Variants in BAZ2B observed in about 807,000 individuals in gnomAD.
BAZ2B encodes bromodomain adjacent to zinc finger domain 2B, also known as bromodomain adjacent to zinc finger domain protein 2B.
A neutral mutation model predicts 246.0 loss-of-function variants in BAZ2B; 91 were observed. The observed-to-expected ratio is 0.37, with a 90% CI of 0.31 to 0.44. The LOEUF is 0.44. Ranked by LOEUF, BAZ2B falls within the 20% of genes least tolerant of loss-of-function variation. The pLI is 1.00. For missense variants in BAZ2B, 2,332 were observed against 2,533.7 expected (o/e 0.92, Z 1.71); for synonymous variants, 855 against 860.0 (o/e 0.99, Z 0.10).
intron 2 of BAZ2B, among the ~76,000 whole-genome samples, chr2:159,546,239 G>A (rs905920548): frequency 1.3e-5 from 2 of 151,932 alleles, no homozygotes; most frequent in South Asian, 2.1e-4. Context: ...ACTGAATTAC[G>A]GGGGCGGGTC....
intron 1 of BAZ2B, among the ~76,000 whole-genome samples, chr2:159,611,469 T>A (rs1694708270): frequency 6.6e-6 from 1 of 151,944 alleles, no homozygotes; most frequent in African/African-American, 2.4e-5. Flanking sequence ...AATGTCTGAA[T>A]ATAAATCTTA....
the BAZ2B span, among the ~76,000 whole-genome samples, chr2:159,704,934 C>G: frequency 6.6e-6 from 1 of 152,016 alleles, no homozygotes; most frequent in Non-Finnish European, 1.5e-5. Context: ...GATCTCCTGA[C>G]CTCGTGATCC....
intron 2 of BAZ2B, among the ~76,000 whole-genome samples, chr2:159,499,787 T>C (rs1268808889): frequency 1.3e-5 from 2 of 152,368 alleles, no homozygotes; most frequent in Admixed American, 6.5e-5. Flanking sequence ...GTTGAGCTTT[T>C]TTTCATATGT....
intron 1 of BAZ2B, among the ~76,000 whole-genome samples, chr2:159,600,847 C>A (rs763153110): frequency 1.3e-5 from 2 of 152,138 alleles, no homozygotes; most frequent in Non-Finnish European, 2.9e-5. Context: ...CTTTTTTGGC[C>A]TCATCGTTTT....
At chr2:159,520,914 G>A (rs779561702) in intron 2 of BAZ2B, among the ~76,000 whole-genome samples, 12 of 152,054 alleles carry the variant, frequency 7.9e-5, no homozygotes, top group Non-Finnish European at 1.6e-4. Flanking sequence ...AATTTATGAA[G>A]CTTATTACTT....
At chr2:159,623,834 A>G in the BAZ2B span, among the ~76,000 whole-genome samples, 1 of 152,248 alleles carries the variant, frequency 6.6e-6, no homozygotes, top group Non-Finnish European at 1.5e-5. Flanking sequence ...AATAATCCAA[A>G]TATCTGTCAT....
chr2:159,561,727 A>C (rs7580623), intron 1 of BAZ2B, among the ~76,000 whole-genome samples: 18,225 of 152,224 alleles, frequency 0.12, 1,267 homozygotes, highest in Middle Eastern at 0.22. Flanking sequence ...ATATTTGAAA[A>C]ATTATTTTCT....
At position 159,359,069 on chromosome 2, in the gene BAZ2B, A is replaced by C. The variant is rs577739223; in HGVS notation, c.4214-8712T>G. On this transcript the variant is annotated intron_variant, in intron 27 of 36. Coordinates refer to ENST00000392783, the MANE Select transcript of BAZ2B (RefSeq NM_013450.4). ...AGAACTGAGAGGCAAGAGCAAACACATTCAAAAGCTAGCAGAAGACAAGAA... is the reference window on the plus strand; with the variant it reads ...AGAACTGAGAGGCAAGAGCAAACACCTTCAAAAGCTAGCAGAAGACAAGAA... Among the ~76,000 whole-genome samples, 5 of 152,298 alleles carry C rather than the reference A, an allele frequency of 3.3e-5. No individual in the cohort carries two copies. The South Asian group carries it at 1.0e-3, about 32-fold the overall frequency.
chr2:159,439,098 C>T lies in BAZ2B; in HGVS notation c.811G>A (p.Asp271Asn), dbSNP rs769317327. 3.1e-6 allele frequency: 5 copies of T among 1,613,794 alleles called. No individual in the cohort carries two copies. Among genetic ancestry groups the T allele is most frequent in the Non-Finnish European group, 4.2e-6 (5 of 1,179,954 alleles). ...SSSDSDDLEE[D>N]EEEEDQSIEE... ...ATACTTTGATCTTCTTCTTCTTCAT[C>T]TTCTTCTAGATCATCTGAATCACTG... Residue 271 changes from aspartate (D) to asparagine (N), a missense_variant, in exon 7 of 37, where the codon GAT (aspartate) becomes AAT (asparagine). Asp to Asn is a conservative substitution (Grantham distance 23). Transcript: ENST00000392783.
chr2:159,452,245 A>C (rs2075191663), intron 4 of BAZ2B, among the ~76,000 whole-genome samples: 1 of 152,212 alleles, frequency 6.6e-6, no homozygotes, highest in African/African-American at 2.4e-5. Context: ...AGTTTTAAAA[A>C]CACTTCTTTC....
chr2:159,634,329 T>C, the BAZ2B span, among the ~76,000 whole-genome samples: 5 of 152,164 alleles, frequency 3.3e-5, no homozygotes, highest in Non-Finnish European at 7.4e-5. Context: ...AAAAATCTCA[T>C]CCCCTTTTTG....
chr2:159,389,032 GC>G lies in BAZ2B; in HGVS notation c.3216+312del, dbSNP rs568923060. Among the ~76,000 whole-genome samples the G allele has an allele frequency of 5.9e-4, 90 of 152,210 alleles. 1 individual carries two copies. The highest frequency in any genetic ancestry group is 1.8e-3 in the African/African-American group (73 of 41,556). On this transcript the variant is annotated intron_variant, in intron 21 of 36. Transcript: ENST00000392783. ...GAACGAGAAGTTGAGGCTTCAGTGA[GC>G]TATAATCCTGCCACTGCCCTCTCTC...
At position 159,549,583 on chromosome 2, in the gene BAZ2B, G is replaced by T. The variant is rs150940410; in HGVS notation, c.-3+6240C>A. On this transcript the variant is annotated intron_variant, in intron 2 of 36. Coordinates refer to ENST00000392783, the MANE Select transcript of BAZ2B (RefSeq NM_013450.4). The stretch of plus-strand genomic sequence containing the variant: ...AACCACACATAAAATACAGTAACAC[G>T]AACGATAGCTGATGAGCTAAAAAAC... Among the ~76,000 whole-genome samples, 717 of 152,020 alleles carry T rather than the reference G, an allele frequency of 4.7e-3. 6 individuals carry two copies. The highest frequency in any genetic ancestry group is 0.016 in the African/African-American group (680 of 41,478).
intron 36 of BAZ2B, 109 bp downstream of exon 36, chr2:159,324,702 C>T: frequency 1.9e-6 from 1 of 536,760 alleles, no homozygotes; most frequent in Admixed American, 5.0e-5. Flanking sequence ...GCCTCAAAGG[C>T]AGGGCCTATA....
the BAZ2B span, among the ~76,000 whole-genome samples, chr2:159,671,425 G>A: frequency 1.3e-5 from 2 of 152,090 alleles, no homozygotes; most frequent in Non-Finnish European, 2.9e-5. Context: ...TTTCTAGAAG[G>A]TACTACCTCA....
At chr2:159,351,330 C>G (rs2058541570) in intron 27 of BAZ2B, among the ~76,000 whole-genome samples, 1 of 152,028 alleles carries the variant, frequency 6.6e-6, no homozygotes, top group Admixed American at 6.6e-5. Flanking sequence ...TTAATGGCAA[C>G]AGAATGAACT....
intron 2 of BAZ2B, among the ~76,000 whole-genome samples, chr2:159,510,642 T>TA (rs919168428): frequency 1.3e-5 from 2 of 152,064 alleles, no homozygotes; most frequent in Admixed American, 1.3e-4. Flanking sequence ...TACTGCAATG[T>TA]AAAAAAAATG....
chr2:159,425,221 C>G (rs1289641527), intron 13 of BAZ2B, among the ~76,000 whole-genome samples: 1 of 152,166 alleles, frequency 6.6e-6, no homozygotes, highest in Non-Finnish European at 1.5e-5. Context: ...CACTCTGTCG[C>G]CCAGGCTGGA....
the BAZ2B span, among the ~76,000 whole-genome samples, chr2:159,684,609 C>T: frequency 2.0e-5 from 3 of 152,294 alleles, no homozygotes; most frequent in Middle Eastern, 6.8e-3. Flanking sequence ...TCAAGTGATC[C>T]TCCCACCTCA....
Sources: allele counts gnomAD v4.1 joint callset (sites outside exome capture counted in the v4.1 genomes callset), GRCh38; gene constraint gnomAD v4.1.1; transcripts MANE v1.5; gene names NCBI Gene and HGNC (gene_info 2026-07-23, HGNC 2026-07-21).